The following IQGAP1 variants were observed in gnomAD, a reference collection of about 807,000 sequenced individuals.
The protein encoded by IQGAP1 is ras GTPase-activating-like protein IQGAP1.
IQGAP1 carries 66 observed loss-of-function variants against 215.6 expected under a neutral mutation model. The ratio of observed to expected loss-of-function variants is 0.31; its 90% CI spans 0.25 to 0.38. The LOEUF is 0.38. IQGAP1 is among the 10% of genes least tolerant of loss of function. The probability of loss-of-function intolerance (pLI) is 1.00; values close to 1 mark genes in which losing one functional copy is unlikely to be tolerated. For synonymous variants in IQGAP1, 772 were observed against 728.7 expected (o/e 1.06, Z -0.96); for missense variants, 1,712 against 1,997.1 (o/e 0.86, Z 2.72).
intron 2 of IQGAP1, among the ~76,000 whole-genome samples, chr15:90,392,798 G>A (rs190744535): frequency 1.4e-5 from 2 of 141,408 alleles, no homozygotes; most frequent in African/African-American, 5.5e-5. Flanking sequence ...AGGCTGGAGG[G>A]CAGTGGCGCA....
At position 90,482,121 on chromosome 15, in the gene IQGAP1, T is replaced by C. The variant is rs570828300; in HGVS notation, c.3470+21T>C. The C allele has an allele frequency of 1.9e-5, 30 of 1,614,212 alleles. No individual in the cohort carries two copies. The Admixed American group carries it at 4.7e-4, about 25-fold the overall frequency. On this transcript the variant is annotated intron_variant, in intron 27 of 37. Transcript: ENST00000268182. ...ATCCCGTGAGTGCCATCAGTTGTCA[T>C]GACCCCCAGTAGAACCCAGCACTAA...
chr15:90,392,302 A>G lies in IQGAP1; in HGVS notation c.155+1429A>G, dbSNP rs77112053. ...TCTAAATAATAGAAGATGACATAGC[A>G]AGGCATGCTATATCACTAGAAAAGG... On this transcript the variant is annotated intron_variant, in intron 2 of 37. Coordinates refer to ENST00000268182, the MANE Select transcript of IQGAP1 (RefSeq NM_003870.4). Among the ~76,000 whole-genome samples the G allele has an allele frequency of 2.6e-5, 4 of 152,352 alleles. No homozygotes were observed. In the East Asian group the frequency reaches 7.7e-4, roughly 29 times the overall value.
intron 33 of IQGAP1, among the ~76,000 whole-genome samples, chr15:90,488,066 A>G (rs1008584143): frequency 6.6e-6 from 1 of 151,964 alleles, no homozygotes; most frequent in African/African-American, 2.4e-5. Flanking sequence ...CTAAAAATAC[A>G]AAAAATTAGC....
At chr15:90,448,900 G>A (rs1028620830) in intron 10 of IQGAP1, among the ~76,000 whole-genome samples, 164 bp downstream of exon 10, 1 of 151,832 alleles carries the variant, frequency 6.6e-6, no homozygotes, top group African/African-American at 2.4e-5. Flanking sequence ...AATACACATT[G>A]TCTTCAGCTC....
chr15:90,477,280 G>A (rs1175320010), intron 25 of IQGAP1, 50 bp downstream of exon 25: 2 of 1,480,330 alleles, frequency 1.4e-6, no homozygotes, highest in Admixed American at 4.1e-5. Context: ...TATCAGAGGG[G>A]CTCCCAGTTT....
intron 2 of IQGAP1, among the ~76,000 whole-genome samples, chr15:90,398,267 G>A (rs900459230): frequency 6.6e-6 from 1 of 152,098 alleles, no homozygotes; most frequent in Non-Finnish European, 1.5e-5. Context: ...CACTTTCAAG[G>A]TCCTAAGGTT....
intron 2 of IQGAP1, among the ~76,000 whole-genome samples, chr15:90,400,927 G>C (rs1423230132): frequency 6.6e-6 from 1 of 152,178 alleles, no homozygotes; most frequent in South Asian, 2.1e-4. Context: ...AAGCCTTGTG[G>C]TATCTGATGG....
At chr15:90,498,724 T>G (rs1346507629) in intron 37 of IQGAP1, among the ~76,000 whole-genome samples, 1 of 152,026 alleles carries the variant, frequency 6.6e-6, no homozygotes, top group African/African-American at 2.4e-5. Context: ...CTCCATTCAC[T>G]GCAACCTCCA....
chr15:90,426,490 C>G (rs2151014018), intron 3 of IQGAP1, among the ~76,000 whole-genome samples: 1 of 138,328 alleles, frequency 7.2e-6, no homozygotes, highest in Admixed American at 7.4e-5. Context: ...GCCCGCCTCC[C>G]CCCTACCCTG....
intron 2 of IQGAP1, among the ~76,000 whole-genome samples, chr15:90,411,660 G>A (rs1964968017): frequency 6.6e-6 from 1 of 152,150 alleles, no homozygotes; most frequent in Non-Finnish European, 1.5e-5. Flanking sequence ...AGGCTGTAGA[G>A]CTGCTCACAG....
chr15:90,434,520 A>G (rs1965345336), intron 5 of IQGAP1, among the ~76,000 whole-genome samples: 2 of 152,020 alleles, frequency 1.3e-5, no homozygotes, highest in Admixed American at 1.3e-4. Flanking sequence ...TACAAAATAT[A>G]TTTTTTTCCC....
intron 11 of IQGAP1, among the ~76,000 whole-genome samples, chr15:90,452,558 T>C (rs978162343): frequency 6.6e-6 from 1 of 152,198 alleles, no homozygotes; most frequent in African/African-American, 2.4e-5. Flanking sequence ...AGGAGGCTGC[T>C]TTTTGAAGAA....
intron 33 of IQGAP1, among the ~76,000 whole-genome samples, chr15:90,488,812 G>A (rs1317638443): frequency 6.6e-6 from 1 of 151,990 alleles, no homozygotes; most frequent in Non-Finnish European, 1.5e-5. Context: ...AAGGAGGGAA[G>A]AGCATGATGC....
Position 90,481,962 on chromosome 15 carries a change from A to G in IQGAP1, c.3332A>G (p.Lys1111Arg). The G allele has an allele frequency of 6.2e-7, 1 of 1,614,172 alleles. No homozygotes were observed. Among genetic ancestry groups the G allele is most frequent in the South Asian group, 1.1e-5 (1 of 91,076 alleles). Residue 1111 changes from lysine (K) to arginine (R), a missense_variant and splice_region_variant, in exon 27 of 38, where the codon AAA (lysine) becomes AGA (arginine). By Grantham distance (26) the Lys-to-Arg change is conservative (BLOSUM62 2). Coordinates refer to ENST00000268182, the MANE Select transcript of IQGAP1 (RefSeq NM_003870.4). The stretch of plus-strand genomic sequence containing the variant: ...GGGTATAATTTCTGTCTTCCCAGCA[A>G]ACTGCCCTATGATGTGACCCCTGAG... Reference protein sequence around the residue: ...QMESQTGEASKLPYDVTPEQA... With the variant: ...QMESQTGEASRLPYDVTPEQA...
chr15:90,435,602 C>T (rs1965360103), intron 5 of IQGAP1, among the ~76,000 whole-genome samples: 1 of 152,210 alleles, frequency 6.6e-6, no homozygotes, highest in Admixed American at 6.5e-5. Context: ...AAGGCCTTAC[C>T]TGCAATGGAT....
chr15:90,392,479 C>G (rs1964648583), intron 2 of IQGAP1, among the ~76,000 whole-genome samples: 1 of 152,152 alleles, frequency 6.6e-6, no homozygotes, highest in South Asian at 2.1e-4. Flanking sequence ...TTTGGTGATT[C>G]CACTGAGGTG....
intron 34 of IQGAP1, 83 bp from the exon 35 acceptor site, chr15:90,492,462 C>A: frequency 5.6e-6 from 5 of 885,958 alleles, no homozygotes; most frequent in Non-Finnish European, 6.4e-6. Flanking sequence ...ATATTTAAGG[C>A]AGAGTTAAGC....
intron 33 of IQGAP1, among the ~76,000 whole-genome samples, chr15:90,490,488 T>C (rs535552028): frequency 2.0e-5 from 3 of 152,264 alleles, no homozygotes; most frequent in Admixed American, 6.5e-5. Context: ...AGGATGGCAG[T>C]ATCAAGGGAA....
chr15:90,440,691 T>C (rs1352790605), intron 7 of IQGAP1, 76 bp downstream of exon 7: 1 of 883,270 alleles, frequency 1.1e-6, no homozygotes, highest in East Asian at 2.7e-5. Flanking sequence ...ATAGTGATGA[T>C]CTAGGACATT....
Sources: allele counts gnomAD v4.1 joint callset (sites outside exome capture counted in the v4.1 genomes callset), GRCh38; gene constraint gnomAD v4.1.1; transcripts MANE v1.5; gene names NCBI Gene and HGNC (gene_info 2026-07-23, HGNC 2026-07-21).